The following CEP162 variants were observed in gnomAD, a reference collection of about 807,000 sequenced individuals.
CEP162 encodes centrosomal protein of 162 kDa.
A neutral mutation model predicts 169.2 loss-of-function variants in CEP162; 141 were observed. The ratio of observed to expected loss-of-function variants is 0.83; its 90% CI spans 0.73 to 0.96. The LOEUF is 0.96. Ranked by LOEUF, CEP162 falls within the 40% of genes least tolerant of loss-of-function variation. The pLI is 0.00. For synonymous variants in CEP162, 540 were observed against 526.4 expected (o/e 1.03, Z -0.35); for missense variants, 1,600 against 1,587.2 (o/e 1.01, Z -0.14).
At position 84,124,867 on chromosome 6, in the gene CEP162, T is replaced by G; in HGVS notation, c.*203A>C. The G allele has an allele frequency of 1.8e-6, 1 of 569,602 alleles. No homozygotes were observed. The highest frequency in any genetic ancestry group is 3.0e-6 in the Non-Finnish European group (1 of 330,156). The allele number at this position is 569,602 out of a possible 1,614,324, so 35.3% of individuals were successfully genotyped here. A position where few individuals can be genotyped will look rare whatever the true frequency, so the allele number is the denominator to read the frequency against. On this transcript the variant is annotated 3_prime_UTR_variant, in exon 27 of 27. Transcript: ENST00000403245. ...GTCCATAAATCACTTAAAATGAGAC[T>G]GGTTAATGATTTTTAGTAAAATACA...
intron 25 of CEP162, among the ~76,000 whole-genome samples, chr6:84,140,579 G>T (rs2099516156): frequency 6.6e-6 from 1 of 152,146 alleles, no homozygotes; most frequent in South Asian, 2.1e-4. Context: ...CCAGGCTGGG[G>T]TACAGTGGCA....
At chr6:84,226,302 A>G (rs1363647559) in intron 2 of CEP162, 35 bp downstream of exon 2, 4 of 1,385,650 alleles carry the variant, frequency 2.9e-6, no homozygotes, top group Non-Finnish European at 4.0e-6. Context: ...TTTGAGACAA[A>G]TTTGACAATA....
At chr6:84,161,153 T>G (rs1479714866) in intron 20 of CEP162, among the ~76,000 whole-genome samples, 3 of 152,106 alleles carry the variant, frequency 2.0e-5, no homozygotes, top group Admixed American at 1.3e-4. Flanking sequence ...GCTTATGCTC[T>G]AGTAGAGGGA....
chr6:84,201,169 T>A (rs1178588967), intron 8 of CEP162, among the ~76,000 whole-genome samples: 1 of 152,072 alleles, frequency 6.6e-6, no homozygotes, highest in Non-Finnish European at 1.5e-5. Flanking sequence ...TTCCAGCTAC[T>A]CAGGAAGCTG....
chr6:84,208,071 T>C (rs956953177), intron 6 of CEP162, among the ~76,000 whole-genome samples: 6 of 149,408 alleles, frequency 4.0e-5, no homozygotes, highest in African/African-American at 1.5e-4. Context: ...AAGTCTTAAC[T>C]AGTACTTATG....
In CEP162 at chr6:84,215,582, C is replaced by T. The variant is rs1450720344; in HGVS notation, c.320-117G>A. ...TTTAAAAATTTTACAAATATTTACT[C>T]TCACTCACCAAATATGAATTCATAT... On this transcript the variant is annotated intron_variant, in intron 4 of 26. Coordinates refer to ENST00000403245, the MANE Select transcript of CEP162 (RefSeq NM_014895.4). The T allele has an allele frequency of 6.2e-6, 7 of 1,129,660 alleles. No homozygotes were observed. In the Admixed American group the frequency reaches 1.3e-4, roughly 21 times the overall value. The allele number at this position is 1,129,660 out of a possible 1,614,324, so 70.0% of individuals were successfully genotyped here.
chr6:84,201,075 G>C (rs541987268), intron 8 of CEP162, among the ~76,000 whole-genome samples, 170 bp from the exon 9 acceptor site: 13 of 152,244 alleles, frequency 8.5e-5, no homozygotes, highest in African/African-American at 3.1e-4. Flanking sequence ...TCAGGAGATC[G>C]AGACCATCCT....
At chr6:84,181,241 A>G (rs1268988525) in intron 13 of CEP162, among the ~76,000 whole-genome samples, 2 of 152,238 alleles carry the variant, frequency 1.3e-5, no homozygotes, top group Admixed American at 6.5e-5. Context: ...GACAAAAACA[A>G]GAAATGAGGA....
At chr6:84,157,150 TC>T (rs1427031892) in intron 21 of CEP162, among the ~76,000 whole-genome samples, 5 of 152,202 alleles carry the variant, frequency 3.3e-5, no homozygotes, top group Admixed American at 6.6e-5. Context: ...ATATATATGG[TC>T]ACAAATATAT....
At chr6:84,212,765 G>GA (rs950076996) in intron 6 of CEP162, among the ~76,000 whole-genome samples, 192 bp downstream of exon 6, 7 of 152,112 alleles carry the variant, frequency 4.6e-5, no homozygotes, top group Admixed American at 3.3e-4. Flanking sequence ...TGCAGTCTAT[G>GA]AAAAAAACCT....
intron 25 of CEP162, among the ~76,000 whole-genome samples, chr6:84,135,328 C>T (rs892146161): frequency 6.6e-6 from 1 of 151,948 alleles, no homozygotes; most frequent in Non-Finnish European, 1.5e-5. Context: ...AGTGATTCAC[C>T]CAGATGATGT....
intron 22 of CEP162, among the ~76,000 whole-genome samples, chr6:84,154,681 C>T (rs1241390633): frequency 6.6e-6 from 1 of 152,158 alleles, no homozygotes; most frequent in African/African-American, 2.4e-5. Context: ...ATGAAAGTAT[C>T]TAGCATGAAT....
intron 13 of CEP162, among the ~76,000 whole-genome samples, chr6:84,176,317 A>G (rs754760462): frequency 3.3e-5 from 5 of 152,120 alleles, no homozygotes; most frequent in Non-Finnish European, 5.9e-5. Flanking sequence ...CATTTCAATT[A>G]TTTTTCCAGG....
chr6:84,136,420 A>AGTT lies in CEP162; in HGVS notation c.3871-9909_3871-9908insAAC, dbSNP rs2099514106. Among the ~76,000 whole-genome samples the AGTT allele has an allele frequency of 3.3e-5, 5 of 152,258 alleles. No individual in the cohort carries two copies. In the South Asian group the frequency reaches 1.0e-3, roughly 32 times the overall value. ...ACAGAGAGGGAATGAGAACCACTGA[A>AGTT]CTTATTCTTCTATCATGAGCCCACT... On this transcript the variant is annotated intron_variant, in intron 25 of 26. Coordinates refer to ENST00000403245, the MANE Select transcript of CEP162 (RefSeq NM_014895.4).
At chr6:84,206,659 GGC>G (rs2099547248) in intron 6 of CEP162, among the ~76,000 whole-genome samples, 1 of 152,104 alleles carries the variant, frequency 6.6e-6, no homozygotes, top group East Asian at 1.9e-4. Context: ...CATAGGCATG[GGC>G]AAGGACTTCA....
chr6:84,219,070 T>C (rs1485072603), intron 3 of CEP162: 18 of 733,652 alleles, frequency 2.5e-5, no homozygotes, highest in Non-Finnish European at 3.5e-5. Context: ...AATTATAATG[T>C]AAAAGCCGCT....
chr6:84,226,892 AATAGTTTCGTAAAGCAGACTGC>A (rs1319756074), intron 1 of CEP162, among the ~76,000 whole-genome samples: 3 of 152,190 alleles, frequency 2.0e-5, no homozygotes, highest in Non-Finnish European at 2.9e-5. Flanking sequence ...AATCCATAGT[AATAGTTTCGTAAAGCAGACTGC>A]ATAGTTTCGT....
In CEP162 at chr6:84,124,998, T is replaced by C. The variant is rs3778180; in HGVS notation, c.*72A>G. ...ATTGGAACACTTGTTTTTCATAAGC[T>C]GTCCTGACAGTGGCACAATCCCATC... On this transcript the variant is annotated 3_prime_UTR_variant, in exon 27 of 27. Transcript: ENST00000403245. 22 of 1,098,890 alleles carry C rather than the reference T, an allele frequency of 2.0e-5. No homozygotes were observed. In the East Asian group the frequency reaches 5.2e-4, roughly 26 times the overall value. The allele number at this position is 1,098,890 out of a possible 1,614,324, so 68.1% of individuals were successfully genotyped here.
intron 25 of CEP162, among the ~76,000 whole-genome samples, chr6:84,134,808 C>T (rs1047232260): frequency 2.6e-4 from 39 of 151,702 alleles, no homozygotes; most frequent in African/African-American, 9.2e-4. Flanking sequence ...TTGCCAGCCT[C>T]CCCCCCACAG....
Sources: gnomAD v4.1 joint callset for allele counts (sites outside exome capture counted in the v4.1 genomes callset) on GRCh38, gnomAD v4.1.1 for gene constraint, MANE v1.5 for transcripts, NCBI Gene and HGNC (gene_info 2026-07-23, HGNC 2026-07-21) for gene names.